Variants in CCDC88A observed in about 807,000 individuals in gnomAD.
CCDC88A encodes girdin.
Under a neutral mutation model 234.3 loss-of-function variants are expected in CCDC88A, and 54 were observed. The ratio of observed to expected loss-of-function variants is 0.23; its 90% CI spans 0.19 to 0.29. CCDC88A has a LOEUF of 0.29. CCDC88A is among the 10% of genes least tolerant of loss of function. CCDC88A has a pLI of 1.00. For synonymous variants in CCDC88A, 753 were observed against 737.8 expected, an observed-to-expected ratio of 1.02 and a Z score of -0.33; for missense variants, 1,832 against 2,123.4, an observed-to-expected ratio of 0.86 and a Z score of 2.70.
intron 2 of CCDC88A, among the ~76,000 whole-genome samples, chr2:55,412,324 G>A (rs934999359): frequency 4.6e-5 from 7 of 152,224 alleles, no homozygotes; most frequent in African/African-American, 1.7e-4. Context: ...TAAAGGAAGA[G>A]CAGGAATTGG....
In CCDC88A at chr2:55,303,164, G is replaced by C. The variant is rs1240347096; in HGVS notation, c.4388-12C>G. 1.3e-6 allele frequency: 2 copies of C among 1,514,190 alleles called. No individual in the cohort carries two copies. The highest frequency in any genetic ancestry group is 1.8e-6 in the Non-Finnish European group (2 of 1,112,712). The allele number at this position is 1,514,190 out of a possible 1,614,324, so 93.8% of individuals were successfully genotyped here. Reference sequence around the variant, plus strand: ...TTTCAGTGCAACCACTTTAATGTCAGAGCATGAGGAAAAACAGAAACAGGG... The same window carrying C: ...TTTCAGTGCAACCACTTTAATGTCACAGCATGAGGAAAAACAGAAACAGGG... On this transcript the variant is annotated splice_polypyrimidine_tract_variant and intron_variant, in intron 25 of 32. Coordinates refer to ENST00000436346, the MANE Select transcript of CCDC88A (RefSeq NM_001365480.1).
At chr2:55,315,050 G>T (rs573015857) in intron 22 of CCDC88A, 1 of 152,286 alleles carries the variant, frequency 6.6e-6, no homozygotes, top group South Asian at 2.1e-4. Flanking sequence ...GTGACATGTG[G>T]AATCTTATGA....
intron 2 of CCDC88A, among the ~76,000 whole-genome samples, chr2:55,412,266 C>T (rs1171139302): frequency 1.3e-5 from 2 of 152,158 alleles, no homozygotes; most frequent in East Asian, 1.9e-4. Context: ...AAGGTACTTC[C>T]GAATCATAAG....
chr2:55,289,775 A>AAGAGAGAGAGAGAGAG lies in CCDC88A; in HGVS notation c.*1409_*1424dup, dbSNP rs55678906. 9 of 148,852 alleles carry AAGAGAGAGAGAGAGAG rather than the reference A, an allele frequency of 6.0e-5. No homozygotes were observed. Among genetic ancestry groups the AAGAGAGAGAGAGAGAG allele is most frequent in the African/African-American group, 2.2e-4 (9 of 40,508 alleles). 9.2% of individuals were successfully genotyped at this position (148,852 alleles called of 1,614,324 possible). A position where few individuals can be genotyped will look rare whatever the true frequency, so the allele number is the denominator to read the frequency against. On this transcript the variant is annotated 3_prime_UTR_variant, in exon 33 of 33. Coordinates refer to ENST00000436346, the MANE Select transcript of CCDC88A (RefSeq NM_001365480.1). ...AGAGAGAGAGAAAGAGGGAGAGAGA[A>AAGAGAGAGAGAGAGAG]AGAGAGAGAGAGAGAGAGAGAGAGA...
chr2:55,312,513 A>G lies in CCDC88A; in HGVS notation c.4000T>C (p.Leu1334=), dbSNP rs369847809. 31 of 1,611,796 alleles carry G rather than the reference A, an allele frequency of 1.9e-5. No homozygotes were observed. Among genetic ancestry groups the G allele is most frequent in the African/African-American group, 1.9e-4 (14 of 74,532 alleles). Residue 1334 remains leucine (L), a synonymous_variant, in exon 23 of 33, where the codon TTA becomes CTA. Transcript: ENST00000436346. ...NRHLLDQIQT[L]MLQNRTLLEQ... is the part of the protein sequence containing the mutation. ...AAAAGTGTTCTGTTCTGTAGCATTAATGTCTGAATTTGATCTAGTAGATGC... is the reference window on the plus strand; with the variant it reads ...AAAAGTGTTCTGTTCTGTAGCATTAGTGTCTGAATTTGATCTAGTAGATGC...
In CCDC88A at chr2:55,291,838, T is replaced by C. The variant is rs565438529; in HGVS notation, c.5552-63A>G. The stretch of plus-strand genomic sequence containing the variant: ...ATGAAACAAAATACAATTCAGAAGA[T>C]AAGAAATACACTCTCACTGAGTAGG... On this transcript the variant is annotated intron_variant, in intron 31 of 32. Coordinates refer to ENST00000436346, the MANE Select transcript of CCDC88A (RefSeq NM_001365480.1). 4 of 1,276,782 alleles carry C rather than the reference T, an allele frequency of 3.1e-6. No homozygotes were observed. The Admixed American group carries it at 5.2e-5, about 17-fold the overall frequency. 79.1% of individuals were successfully genotyped at this position (1,276,782 alleles called of 1,614,324 possible).
chr2:55,355,935 C>CTTA, intron 7 of CCDC88A, 184 bp from the exon 8 acceptor site: 1 of 452,342 alleles, frequency 2.2e-6, no homozygotes, highest in Non-Finnish European at 3.9e-6. Context: ...GCATGGGCTA[C>CTTA]TTAGCAAATG....
chr2:55,380,782 A>AT (rs1470928589), intron 3 of CCDC88A, among the ~76,000 whole-genome samples: 1 of 151,812 alleles, frequency 6.6e-6, no homozygotes, highest in African/African-American at 2.4e-5. Flanking sequence ...TGCCCAGCTA[A>AT]TTTTTTGTAT....
chr2:55,374,737 G>T, intron 4 of CCDC88A, 77 bp downstream of exon 4: 1 of 835,932 alleles, frequency 1.2e-6, no homozygotes, highest in Non-Finnish European at 2.0e-6. Flanking sequence ...ATGTATATAA[G>T]CTCTTAGTAA....
In CCDC88A at chr2:55,332,621, T is replaced by C; in HGVS notation, c.2800A>G (p.Lys934Glu). ...DLEKLTHELE[K>E]IGLNKERLLH... is the part of the protein sequence containing the mutation. ...AGTCGCTCCTTATTTAACCCTATCT[T>C]CTCAAGCTCATGAGTTAATTTTTCG... The change falls in exon 16 of 33, where the codon AAG becomes GAG. Residue 934 changes from lysine (K) to glutamate (E), a missense_variant. By Grantham distance (56) the Lys-to-Glu change is moderately conservative (BLOSUM62 1). Coordinates refer to ENST00000436346, the MANE Select transcript of CCDC88A (RefSeq NM_001365480.1). The surrounding 1 kb of genome is among the most constrained non-coding windows in gnomAD (Gnocchi z 4.5). 1 of 1,613,724 alleles carries C rather than the reference T, an allele frequency of 6.2e-7. No homozygotes were observed. Among genetic ancestry groups the C allele is most frequent in the Non-Finnish European group, 8.5e-7 (1 of 1,179,782 alleles).
intron 25 of CCDC88A, among the ~76,000 whole-genome samples, chr2:55,307,644 G>A (rs199996018): frequency 4.0e-5 from 6 of 151,612 alleles, no homozygotes; most frequent in African/African-American, 1.2e-4. Context: ...GTGAGCCACC[G>A]TTCCCGGCCT....
rs113099520 is a variant in CCDC88A, at chr2:55,384,605, A to G, written c.273+4173T>C. Among the ~76,000 whole-genome samples the G allele has an allele frequency of 5.4e-3, 329 of 60,696 alleles. 102 individuals carry two copies. The highest frequency in any genetic ancestry group is 0.013 in the African/African-American group (145 of 10,742). 39.8% of individuals were successfully genotyped at this position (60,696 alleles called of 152,430 possible). ...TGTATATATACACATATATACGTAT[A>G]TATGTGTATATATACGTATATATAT... On this transcript the variant is annotated intron_variant, in intron 3 of 32. Coordinates refer to ENST00000436346, the MANE Select transcript of CCDC88A (RefSeq NM_001365480.1).
Position 55,317,827 on chromosome 2 carries a change from G to C in CCDC88A, c.3339C>G (p.Thr1113=). ...TGAGTGAGGTACTTTGGGAATTAAG[G>C]GTGGAATTTTCAACCTATAAGAATA... ...QNAKLQVENS[T]LNSQSTSLMN... is the part of the protein sequence containing the mutation. The change falls in exon 20 of 33, where the codon ACC becomes ACG. Residue 1113 remains threonine, a synonymous_variant. Transcript: ENST00000436346. The surrounding 1 kb of genome is among the most constrained non-coding windows in gnomAD (Gnocchi z 4.2). The C allele has an allele frequency of 6.2e-7, 1 of 1,601,636 alleles. No homozygotes were observed. The highest frequency in any genetic ancestry group is 8.5e-7 in the Non-Finnish European group (1 of 1,171,602).
intron 2 of CCDC88A, among the ~76,000 whole-genome samples, chr2:55,389,270 G>C (rs1336348727): frequency 6.6e-6 from 1 of 152,036 alleles, no homozygotes; most frequent in Non-Finnish European, 1.5e-5. Context: ...CTCCTCACTG[G>C]GTAATAGGGA....
At chr2:55,362,544 C>T in intron 6 of CCDC88A, 96 bp from the exon 7 acceptor site, 7 of 964,238 alleles carry the variant, frequency 7.3e-6, no homozygotes, top group Non-Finnish European at 1.0e-5. Context: ...TATTATATAA[C>T]CCATATAAAA....
Position 55,332,341 on chromosome 2 carries a change from C to T in CCDC88A, c.2855+225G>A, listed in dbSNP as rs182385270. ...TTCCCCATGTTGGTCAGGCTGATCT[C>T]GAACTCCCGACCTCAGGTGATCCGC... On this transcript the variant is annotated intron_variant, in intron 16 of 32. Transcript: ENST00000436346. This position sits in a 1 kb window ranked among gnomAD's most constrained non-coding sequence, Gnocchi z 4.5. 7 of 448,788 alleles carry T rather than the reference C, an allele frequency of 1.6e-5. No individual in the cohort carries two copies. The highest frequency in any genetic ancestry group is 6.3e-5 in the South Asian group (1 of 15,920). 27.8% of individuals were successfully genotyped at this position (448,788 alleles called of 1,614,324 possible).
intron 16 of CCDC88A, among the ~76,000 whole-genome samples, chr2:55,331,264 T>C (rs950376770): frequency 1.3e-5 from 2 of 152,368 alleles, no homozygotes; most frequent in South Asian, 4.1e-4. Context: ...TGCACTTATC[T>C]GATTAACTCA....
chr2:55,299,852 T>C lies in CCDC88A; in HGVS notation c.4812A>G (p.Leu1604=), dbSNP rs1447108428. 6 of 1,609,752 alleles carry C rather than the reference T, an allele frequency of 3.7e-6. No individual in the cohort carries two copies. Among genetic ancestry groups the C allele is most frequent in the African/African-American group, 1.3e-5 (1 of 74,820 alleles). The change falls in exon 29 of 33, where the codon CTA becomes CTG. Residue 1604 remains leucine, a synonymous_variant. Transcript: ENST00000436346. The part of the protein sequence containing the change: ...STSNSNNNAS[L]HEVKAGAVNN... Reference sequence around the variant, plus strand: ...CCTACAGCATACCTTTGACTTCATGTAGTGAAGCATTATTATTGCTATTGC... The same window carrying C: ...CCTACAGCATACCTTTGACTTCATGCAGTGAAGCATTATTATTGCTATTGC...
chr2:55,352,491 T>C (rs895445611), intron 8 of CCDC88A, among the ~76,000 whole-genome samples: 3 of 151,966 alleles, frequency 2.0e-5, no homozygotes, highest in African/African-American at 7.3e-5. Flanking sequence ...TGTACAACTC[T>C]ATGAATAAAC....
Sources: gnomAD v4.1 joint callset for allele counts (sites outside exome capture counted in the v4.1 genomes callset) on GRCh38, gnomAD v4.1.1 for gene constraint, Gnocchi (gnomAD v3.1) non-coding constraint, MANE v1.5 for transcripts, NCBI Gene and HGNC (gene_info 2026-07-23, HGNC 2026-07-21) for gene names.